The following ADGRV1 variants were observed in gnomAD, a reference collection of about 807,000 sequenced individuals.
The protein encoded by ADGRV1 is G-protein coupled receptor 98.
In ADGRV1, 359 loss-of-function variants were observed where a neutral mutation model predicts 596.2. The observed-to-expected ratio is 0.60, with a 90% CI of 0.55 to 0.66. The LOEUF is 0.66. Among genes scored for constraint, ADGRV1 ranks in the 30% least tolerant of loss-of-function variants. The pLI is 0.00. For missense variants in ADGRV1, 7,274 were observed against 7,575.6 expected, an observed-to-expected ratio of 0.96 and a Z score of 1.48; for synonymous variants, 2,681 against 2,679.2, an observed-to-expected ratio of 1.00 and a Z score of -0.02.
intron 16 of ADGRV1, among the ~76,000 whole-genome samples, chr5:90,646,775 C>CTT (rs550562464): frequency 1.0e-4 from 10 of 96,524 alleles, no homozygotes; most frequent in African/African-American, 2.8e-4. Context: ...CTTTCTTCTT[C>CTT]TTTTTTTTTT....
intron 76 of ADGRV1, among the ~76,000 whole-genome samples, chr5:90,827,774 G>A (rs28757668): frequency 0.047 from 7,102 of 152,158 alleles, 584 homozygotes; most frequent in African/African-American, 0.16. Context: ...AAAAAACTAA[G>A]TATTTCTTCA....
chr5:90,906,698 T>C (rs1287114506), intron 83 of ADGRV1, among the ~76,000 whole-genome samples: 1 of 152,160 alleles, frequency 6.6e-6, no homozygotes, highest in African/African-American at 2.4e-5. Context: ...GTTTCACTGA[T>C]GTTTTGTATT....
chr5:90,765,110 G>A (rs138063354), intron 59 of ADGRV1, among the ~76,000 whole-genome samples: 2 of 152,050 alleles, frequency 1.3e-5, no homozygotes, highest in Non-Finnish European at 2.9e-5. Flanking sequence ...CTTCCCACTG[G>A]CCCTCTGACA....
chr5:90,749,701 T>A (rs1412941647), intron 52 of ADGRV1, among the ~76,000 whole-genome samples: 4 of 152,026 alleles, frequency 2.6e-5, no homozygotes, highest in Non-Finnish European at 4.4e-5. Context: ...AATCCAGGGG[T>A]ATTGTAAGAA....
intron 85 of ADGRV1, among the ~76,000 whole-genome samples, chr5:91,070,795 T>G (rs1172654577): frequency 6.6e-6 from 1 of 152,194 alleles, no homozygotes; most frequent in Non-Finnish European, 1.5e-5. Flanking sequence ...AATTGTGCAG[T>G]ATAGCTTCTA....
intron 1 of ADGRV1, among the ~76,000 whole-genome samples, chr5:90,571,589 C>T (rs139158397): frequency 2.5e-3 from 377 of 152,180 alleles, no homozygotes; most frequent in African/African-American, 8.5e-3. Flanking sequence ...ACAAGTGCCT[C>T]TAAGGAAAAG....
Position 91,005,790 on chromosome 5 carries a change from G to A in ADGRV1, c.18152+20268G>A, listed in dbSNP as rs1290976104. Among the ~76,000 whole-genome samples the A allele has an allele frequency of 2.6e-5, 4 of 152,194 alleles. No homozygotes were observed. In the East Asian group the frequency reaches 7.7e-4, roughly 29 times the overall value. ...TCACAGGCCTAATTCAAATCCTCATGATCTTGAGCAAAGTCTATTGCAATA... is the reference window on the plus strand; with the variant it reads ...TCACAGGCCTAATTCAAATCCTCATAATCTTGAGCAAAGTCTATTGCAATA... On this transcript the variant is annotated intron_variant, in intron 85 of 89. Transcript: ENST00000405460.
At chr5:90,861,450 C>A (rs1767553449) in intron 82 of ADGRV1, among the ~76,000 whole-genome samples, 1 of 152,058 alleles carries the variant, frequency 6.6e-6, no homozygotes, top group South Asian at 2.1e-4. Context: ...GCTGGGACTA[C>A]AGGTGCGTGC....
At chr5:90,846,741 T>C (rs994224663) in intron 78 of ADGRV1, 3 of 152,364 alleles carry the variant, frequency 2.0e-5, no homozygotes, top group African/African-American at 7.2e-5. Flanking sequence ...GCTTCCATAG[T>C]GTGCAAGGGG....
chr5:90,664,430 A>G (rs1356219230), intron 21 of ADGRV1, among the ~76,000 whole-genome samples: 1 of 151,980 alleles, frequency 6.6e-6, no homozygotes, highest in East Asian at 1.9e-4. Flanking sequence ...TTGTTGGTGT[A>G]TAAGAATGCT....
chr5:90,923,623 AT>A (rs1774097203), intron 83 of ADGRV1, among the ~76,000 whole-genome samples: 1 of 151,890 alleles, frequency 6.6e-6, no homozygotes. Flanking sequence ...GCCTTAGGTT[AT>A]TTGTTCTTTT....
intron 85 of ADGRV1, among the ~76,000 whole-genome samples, chr5:91,035,485 T>TA (rs1302635613): frequency 1.3e-5 from 2 of 152,186 alleles, no homozygotes; most frequent in Admixed American, 1.3e-4. Flanking sequence ...CTGAAATGCT[T>TA]TGATATTACT....
chr5:90,741,938 CAG>C (rs1271063977), intron 50 of ADGRV1, among the ~76,000 whole-genome samples: 2 of 152,116 alleles, frequency 1.3e-5, no homozygotes, highest in African/African-American at 4.8e-5. Flanking sequence ...AATGACTTGA[CAG>C]AGATTATTGG....
At chr5:90,626,538 G>T (rs112955750) in intron 6 of ADGRV1, 1 of 151,718 alleles carries the variant, frequency 6.6e-6, no homozygotes, top group African/African-American at 2.4e-5. Context: ...TGAATGAAAA[G>T]CTCACACAGC....
chr5:90,642,626 A>T lies in ADGRV1; in HGVS notation c.2241-10A>T, dbSNP rs150996234. 2,169 of 1,607,876 alleles carry T rather than the reference A, an allele frequency of 1.3e-3. 85 individuals are homozygous for T. The East Asian group carries it at 0.047, about 34-fold the overall frequency. On this transcript the variant is annotated splice_polypyrimidine_tract_variant and intron_variant, in intron 11 of 89. Coordinates refer to ENST00000405460, the MANE Select transcript of ADGRV1 (RefSeq NM_032119.4). Reference sequence around the variant, plus strand: ...GTAGCGGGTGCCATTTGTCTCTCTGACTTCTCTAGGGTTAACGTGGAAAAC... The same window carrying T: ...GTAGCGGGTGCCATTTGTCTCTCTGTCTTCTCTAGGGTTAACGTGGAAAAC...
chr5:90,558,808 T>A lies in ADGRV1; in HGVS notation c.-88T>A. The A allele has an allele frequency of 1.5e-6, 2 of 1,329,002 alleles. No homozygotes were observed. Among genetic ancestry groups the A allele is most frequent in the Non-Finnish European group, 1.1e-6 (1 of 944,316 alleles). The allele number at this position is 1,329,002 out of a possible 1,614,324, so 82.3% of individuals were successfully genotyped here. A position where few individuals can be genotyped will look rare whatever the true frequency, so the allele number is the denominator to read the frequency against. ...CCTGATCCTGTAGTGGTAGTAAGAATCAGCAGCGCGGGCAAGGAGTACGGA... is the reference window on the plus strand; with the variant it reads ...CCTGATCCTGTAGTGGTAGTAAGAAACAGCAGCGCGGGCAAGGAGTACGGA... On this transcript the variant is annotated 5_prime_UTR_variant, in exon 1 of 90. Coordinates refer to ENST00000405460, the MANE Select transcript of ADGRV1 (RefSeq NM_032119.4).
intron 59 of ADGRV1, among the ~76,000 whole-genome samples, chr5:90,766,638 T>C (rs1757177289): frequency 1.3e-5 from 2 of 152,134 alleles, no homozygotes; most frequent in African/African-American, 4.8e-5. Flanking sequence ...CCTCCCACAG[T>C]GATAAGAAGT....
At chr5:90,668,007 C>T (rs1771764088) in intron 21 of ADGRV1, among the ~76,000 whole-genome samples, 1 of 151,896 alleles carries the variant, frequency 6.6e-6, no homozygotes, top group Non-Finnish European at 1.5e-5. Flanking sequence ...CCACTGCTCT[C>T]TTCAAAGCTG....
chr5:90,844,297 C>T (rs922337462), intron 78 of ADGRV1, among the ~76,000 whole-genome samples: 3 of 151,842 alleles, frequency 2.0e-5, no homozygotes, highest in Non-Finnish European at 4.4e-5. Context: ...TTTTATTTTC[C>T]CCCACATTCT....
Sources: allele counts gnomAD v4.1 joint callset (sites outside exome capture counted in the v4.1 genomes callset), GRCh38; gene constraint gnomAD v4.1.1; transcripts MANE v1.5; gene names NCBI Gene and HGNC (gene_info 2026-07-23, HGNC 2026-07-21).